The following PPP2R2A variants were observed in gnomAD, a reference collection of about 807,000 sequenced individuals.
The protein encoded by PPP2R2A is protein phosphatase 2 regulatory subunit Balpha.
PPP2R2A carries 9 observed loss-of-function variants against 53.2 expected under a neutral mutation model. The ratio of observed to expected loss-of-function variants is 0.17; its 90% CI spans 0.10 to 0.30. The LOEUF is 0.30. Ranked by LOEUF, PPP2R2A falls within the 10% of genes least tolerant of loss-of-function variation. The pLI, the probability that PPP2R2A is intolerant of heterozygous loss-of-function variation, is 1.00. For missense variants in PPP2R2A, 235 were observed against 534.6 expected (o/e 0.44, Z 5.53); for synonymous variants, 169 against 174.2 (o/e 0.97, Z 0.23).
intron 2 of PPP2R2A, 64 bp downstream of exon 2, chr8:26,293,804 G>C (rs2117177379): frequency 6.9e-7 from 1 of 1,454,990 alleles, no homozygotes; most frequent in African/African-American, 1.4e-5. Context: ...CCTACTGGAG[G>C]ATTTCCTTGA....
intron 2 of PPP2R2A, among the ~76,000 whole-genome samples, chr8:26,323,232 G>A (rs1802930310): frequency 6.6e-6 from 1 of 152,188 alleles, no homozygotes; most frequent in African/African-American, 2.4e-5. Flanking sequence ...CTAATCTGCT[G>A]TCAGATCAAT....
intron 2 of PPP2R2A, among the ~76,000 whole-genome samples, chr8:26,316,283 T>C (rs1019607565): frequency 6.6e-6 from 1 of 152,170 alleles, no homozygotes; most frequent in Non-Finnish European, 1.5e-5. Context: ...GCTGGAATTA[T>C]AGGCCTGAAC....
chr8:26,363,657 T>TG, intron 7 of PPP2R2A, 64 bp from the exon 8 acceptor site: 1 of 1,312,264 alleles, frequency 7.6e-7, no homozygotes, highest in South Asian at 2.0e-5. Flanking sequence ...GTTTAGGAAA[T>TG]GCTTTGTCCA....
intron 4 of PPP2R2A, among the ~76,000 whole-genome samples, chr8:26,358,288 GA>G (rs1411500864): frequency 6.6e-6 from 1 of 152,044 alleles, no homozygotes; most frequent in Admixed American, 6.6e-5. Context: ...AAGACAACTG[GA>G]CCAGGGGGCG....
chr8:26,355,733 C>T (rs187731081), intron 4 of PPP2R2A, among the ~76,000 whole-genome samples: 8 of 151,918 alleles, frequency 5.3e-5, no homozygotes, highest in South Asian at 2.1e-4. Flanking sequence ...GGTGTGGTGG[C>T]GGGTGCCTGT....
At chr8:26,332,849 A>G (rs1803456729) in intron 2 of PPP2R2A, among the ~76,000 whole-genome samples, 1 of 152,218 alleles carries the variant, frequency 6.6e-6, no homozygotes, top group Non-Finnish European at 1.5e-5. Flanking sequence ...ATACTTACAC[A>G]TTATCCCTTT....
intron 2 of PPP2R2A, among the ~76,000 whole-genome samples, chr8:26,322,141 T>C (rs1265162721): frequency 1.3e-5 from 2 of 152,196 alleles, no homozygotes; most frequent in Non-Finnish European, 2.9e-5. Flanking sequence ...AATTAGTTGC[T>C]CTGGGAGACT....
intron 4 of PPP2R2A, among the ~76,000 whole-genome samples, chr8:26,358,316 C>A (rs527955087): frequency 2.0e-5 from 3 of 152,096 alleles, no homozygotes; most frequent in Admixed American, 6.6e-5. Flanking sequence ...TTGTCATCCT[C>A]ATCACAAATA....
Position 26,370,039 on chromosome 8 carries a change from G to T in PPP2R2A, c.1065-95G>T. 7.5e-7 allele frequency: 1 copy of T among 1,335,876 alleles called. No individual in the cohort carries two copies. The highest frequency in any genetic ancestry group is 1.4e-5 in the South Asian group (1 of 72,386). The allele number at this position is 1,335,876 out of a possible 1,614,324, so 82.8% of individuals were successfully genotyped here. On this transcript the variant is annotated intron_variant, in intron 9 of 9. Coordinates refer to ENST00000380737, the MANE Select transcript of PPP2R2A (RefSeq NM_002717.4). The surrounding 1 kb of genome is among the most constrained non-coding windows in gnomAD (Gnocchi z 6.1). Reference sequence around the variant, plus strand: ...TGTCCCTTAGTTTAAATCTGCTTTTGAAGTAGCTTCCTATGGTTTAATTGC... The same window carrying T: ...TGTCCCTTAGTTTAAATCTGCTTTTTAAGTAGCTTCCTATGGTTTAATTGC...
chr8:26,300,998 G>A (rs1801757507), intron 2 of PPP2R2A, among the ~76,000 whole-genome samples: 1 of 152,146 alleles, frequency 6.6e-6, no homozygotes, highest in African/African-American at 2.4e-5. Flanking sequence ...CATTGTTTTA[G>A]GTCCTTTACA....
chr8:26,356,391 C>CT (rs1223417551), intron 4 of PPP2R2A, among the ~76,000 whole-genome samples: 4 of 152,196 alleles, frequency 2.6e-5, no homozygotes, highest in Admixed American at 2.0e-4. Context: ...TGCGTACCCT[C>CT]TGCCTTCTCT....
chr8:26,365,977 T>C (rs895850966), intron 8 of PPP2R2A: 4 of 184,428 alleles, frequency 2.2e-5, no homozygotes, highest in Non-Finnish European at 3.3e-5. Flanking sequence ...AATAGTGATA[T>C]TCAGATATTG....
chr8:26,342,388 G>A lies in PPP2R2A; in HGVS notation c.180+3401G>A, dbSNP rs116371938. On this transcript the variant is annotated intron_variant, in intron 3 of 9. Transcript: ENST00000380737. ...AATGAAAATATTAATACAGGGTTTT[G>A]AGGAGAAGAGTCCAAACAGCTATTA... 7.0e-3 allele frequency among the ~76,000 whole-genome samples: 1,070 copies of A among 152,318 alleles called. 8 individuals are homozygous for A. The highest frequency in any genetic ancestry group is 0.024 in the African/African-American group (1,010 of 41,558).
intron 2 of PPP2R2A, among the ~76,000 whole-genome samples, chr8:26,320,201 CG>C (rs1802766358): frequency 6.6e-6 from 1 of 152,092 alleles, no homozygotes; most frequent in African/African-American, 2.4e-5. Context: ...ATGTGGTAGA[CG>C]TTATGTGGGT....
chr8:26,292,253 T>C, intron 1 of PPP2R2A: 1 of 1,012,860 alleles, frequency 9.9e-7, no homozygotes, highest in Non-Finnish European at 1.2e-6. Context: ...TTCTTGGGTG[T>C]ATATACACAT....
chr8:26,351,860 C>A (rs1283648715), intron 3 of PPP2R2A, among the ~76,000 whole-genome samples: 1 of 151,858 alleles, frequency 6.6e-6, no homozygotes, highest in Non-Finnish European at 1.5e-5. Context: ...CTGTTAGCAT[C>A]TGTGTTGAAA....
chr8:26,351,889 G>A (rs982971152), intron 3 of PPP2R2A, among the ~76,000 whole-genome samples: 2 of 151,510 alleles, frequency 1.3e-5, no homozygotes, highest in African/African-American at 2.4e-5. Context: ...TTTTGGTTTT[G>A]TGTCCTGTGT....
At chr8:26,369,742 A>G (rs928039891) in intron 9 of PPP2R2A, among the ~76,000 whole-genome samples, 12 of 152,228 alleles carry the variant, frequency 7.9e-5, no homozygotes, top group Non-Finnish European at 8.8e-5. Flanking sequence ...GAACAGCTAC[A>G]GCTACTTCAT....
intron 2 of PPP2R2A, among the ~76,000 whole-genome samples, chr8:26,308,300 T>A (rs554950901): frequency 9.8e-5 from 15 of 152,344 alleles, no homozygotes; most frequent in African/African-American, 3.4e-4. Flanking sequence ...CAAATGAAAT[T>A]TGCTGCATCA....
Sources: allele counts gnomAD v4.1 joint callset (sites outside exome capture counted in the v4.1 genomes callset), GRCh38; gene constraint gnomAD v4.1.1; non-coding constraint Gnocchi (gnomAD v3.1); transcripts MANE v1.5; gene names NCBI Gene and HGNC (gene_info 2026-07-23, HGNC 2026-07-21).